STK26: variants seen among roughly 807,000 people sequenced by gnomAD.
STK26 encodes serine/threonine-protein kinase 26.
In STK26, 14 loss-of-function variants were observed where a neutral mutation model predicts 34.7. The ratio of observed to expected loss-of-function variants is 0.40; its 90% CI spans 0.27 to 0.63. The LOEUF (loss-of-function observed/expected upper bound fraction) is 0.63. Among genes scored for constraint, STK26 ranks in the 30% least tolerant of loss-of-function variants. The pLI, the probability that STK26 is intolerant of heterozygous loss-of-function variation, is 0.38. For synonymous variants in STK26, 100 were observed against 109.8 expected, an observed-to-expected ratio of 0.91 and a Z score of 0.56; for missense variants, 226 against 309.1, an observed-to-expected ratio of 0.73 and a Z score of 2.02.
At chrX:132,062,281 A>G (rs1343160508) in intron 3 of STK26, among the ~76,000 whole-genome samples, 1 of 112,242 alleles carries the variant, frequency 8.9e-6, no homozygotes, top group Non-Finnish European at 1.9e-5. Context: ...AATGGTATGG[A>G]GAGAGAGGTG....
intron 2 of STK26, among the ~76,000 whole-genome samples, chrX:132,031,714 T>C: frequency 8.9e-6 from 1 of 112,312 alleles, no homozygotes; most frequent in Non-Finnish European, 1.9e-5. Flanking sequence ...TTCTGTGCAT[T>C]TCTTACTTGG....
chrX:132,069,408 CACATATATATAT>C (rs1315298997), intron 6 of STK26, 58 bp from the exon 7 acceptor site: 30 of 124,329 alleles, frequency 2.4e-4, no homozygotes, highest in African/African-American at 2.4e-3. Context: ...TACATACATA[CACATATATATAT>C]ATATATATAT....
chrX:132,039,461 T>A (rs1201220969), intron 2 of STK26, among the ~76,000 whole-genome samples: 1 of 111,354 alleles, frequency 9.0e-6, no homozygotes, highest in Non-Finnish European at 1.9e-5. Flanking sequence ...TTTCTGCAAA[T>A]GTAAAGTAAA....
At chrX:132,047,661 T>C (rs1172843071) in intron 2 of STK26, among the ~76,000 whole-genome samples, 1 of 111,712 alleles carries the variant, frequency 9.0e-6, no homozygotes, top group Admixed American at 9.5e-5. Context: ...AAAAAAATAG[T>C]CTGAGAAATG....
intron 8 of STK26, among the ~76,000 whole-genome samples, 180 bp from the exon 9 acceptor site, chrX:132,072,088 A>G (rs1927433190): frequency 2.7e-5 from 3 of 111,698 alleles, no homozygotes; most frequent in African/African-American, 6.5e-5. Flanking sequence ...GAACCACTCC[A>G]CTACTACTCT....
In STK26 at chrX:132,071,236, A is replaced by T; in HGVS notation, c.932+19A>T. 2.5e-6 allele frequency: 3 copies of T among 1,197,416 alleles called. No homozygotes were observed. Among genetic ancestry groups the T allele is most frequent in the Non-Finnish European group, 3.4e-6 (3 of 885,983 alleles). On this transcript the variant is annotated intron_variant, in intron 8 of 11. Transcript: ENST00000394334. ...CTGATTCGTATGTACAAATTATTTAATTTTTATGTAGGCAGCCTATTTAAA... is the reference window on the plus strand; with the variant it reads ...CTGATTCGTATGTACAAATTATTTATTTTTTATGTAGGCAGCCTATTTAAA...
In STK26 at chrX:132,068,305, A is replaced by C. The variant is rs766248504; in HGVS notation, c.421A>C (p.Ile141Leu). 1 of 1,203,535 alleles carries C rather than the reference A, an allele frequency of 8.3e-7. No individual in the cohort carries two copies. The highest frequency in any genetic ancestry group is 1.1e-6 in the Non-Finnish European group (1 of 891,900). ...GGACTATCTGCATTCAGAAAAGAAA[A>C]TTCACCGAGACATAAAAGGTATACA... ...GLDYLHSEKK[I>L]HRDIKAANVL... The change falls in exon 5 of 12, where the codon ATT becomes CTT. Residue 141 changes from isoleucine (I) to leucine (L), a missense_variant. By Grantham distance (5) the Ile-to-Leu change is conservative. Coordinates refer to ENST00000394334, the MANE Select transcript of STK26 (RefSeq NM_016542.4).
At chrX:132,068,925 A>T (rs1226878054) in intron 6 of STK26, among the ~76,000 whole-genome samples, 1 of 110,403 alleles carries the variant, frequency 9.1e-6, no homozygotes, top group Non-Finnish European at 1.9e-5. Flanking sequence ...TAGCAAGTAC[A>T]CCCTGGCCTC....
At chrX:132,047,911 A>G (rs1926554590) in intron 2 of STK26, among the ~76,000 whole-genome samples, 1 of 111,836 alleles carries the variant, frequency 8.9e-6, no homozygotes, top group Non-Finnish European at 1.9e-5. Flanking sequence ...GAGATAATGC[A>G]GTATTTGTCT....
At chrX:132,056,557 A>G (rs1314987927) in intron 3 of STK26, among the ~76,000 whole-genome samples, 1 of 111,719 alleles carries the variant, frequency 9.0e-6, no homozygotes, top group East Asian at 2.8e-4. Flanking sequence ...CAGAGAAATC[A>G]TAGCCGAGTA....
intron 4 of STK26, among the ~76,000 whole-genome samples, chrX:132,067,084 T>C (rs1425863125): frequency 8.9e-6 from 1 of 111,880 alleles, no homozygotes; most frequent in African/African-American, 3.2e-5. Flanking sequence ...TAATGTTACC[T>C]AGGAAAGGGA....
chrX:132,039,343 T>C (rs1602749349), intron 2 of STK26, among the ~76,000 whole-genome samples: 2 of 111,934 alleles, frequency 1.8e-5, no homozygotes, highest in East Asian at 5.6e-4. Context: ...CTTGATACTT[T>C]ATTTTTCTTT....
intron 3 of STK26, 81 bp from the exon 4 acceptor site, chrX:132,063,352 A>G: frequency 5.9e-6 from 5 of 843,077 alleles, no homozygotes; most frequent in South Asian, 4.8e-5. Flanking sequence ...TCTGTGCTTT[A>G]GTATGTGAGA....
chrX:132,065,677 A>G (rs1308659000), intron 4 of STK26, among the ~76,000 whole-genome samples: 2 of 112,347 alleles, frequency 1.8e-5, no homozygotes, highest in Non-Finnish European at 3.8e-5. Flanking sequence ...TGTATTGGTT[A>G]AGAATCAAAA....
rs769331362 is a variant in STK26, at chrX:132,041,107, G to A, written c.43-13524G>A. ...TGTCATTAAGTAGACTCAAGGCTGC[G>A]TGTACAGATGATGCAGTTACTTAAA... is the stretch of plus-strand genomic sequence containing the variant. On this transcript the variant is annotated intron_variant, in intron 2 of 11. Coordinates refer to ENST00000394334, the MANE Select transcript of STK26 (RefSeq NM_016542.4). Among the ~76,000 whole-genome samples the A allele has an allele frequency of 6.3e-5, 7 of 111,486 alleles. No homozygotes were observed. In the South Asian group the frequency reaches 1.9e-3, roughly 30 times the overall value.
intron 3 of STK26, among the ~76,000 whole-genome samples, chrX:132,061,779 T>G (rs1927062107): frequency 9.0e-6 from 1 of 111,375 alleles, no homozygotes; most frequent in Admixed American, 9.5e-5. Context: ...TGGGTTCCAT[T>G]CTCTGCCTTG....
At chrX:132,073,546 A>C (rs1350068779) in intron 11 of STK26, among the ~76,000 whole-genome samples, 1 of 112,120 alleles carries the variant, frequency 8.9e-6, no homozygotes, top group Non-Finnish European at 1.9e-5. Flanking sequence ...ATCCAGACCA[A>C]AAAAGGGCTC....
chrX:132,055,359 C>A, intron 3 of STK26: 1 of 774,820 alleles, frequency 1.3e-6, no homozygotes, highest in Non-Finnish European at 1.9e-6. Flanking sequence ...GGGTATGGTA[C>A]ATCTTAAGCA....
intron 2 of STK26, among the ~76,000 whole-genome samples, chrX:132,039,163 T>G (rs761105912): frequency 9.0e-6 from 1 of 111,384 alleles, no homozygotes; most frequent in Non-Finnish European, 1.9e-5. Flanking sequence ...ATTTGATTAC[T>G]CTGGGGTGTA....
Sources: gnomAD v4.1 joint callset for allele counts (sites outside exome capture counted in the v4.1 genomes callset) on GRCh38, gnomAD v4.1.1 for gene constraint, MANE v1.5 for transcripts, NCBI Gene and HGNC (gene_info 2026-07-23, HGNC 2026-07-21) for gene names.